MYOF: variants seen among roughly 807,000 people sequenced by gnomAD.
MYOF encodes the protein fer-1-like 3, myoferlin.
Under a neutral mutation model 284.2 loss-of-function variants are expected in MYOF, and 244 were observed. That is an observed-to-expected ratio of 0.86 (90% CI 0.77 to 0.95). MYOF has a LOEUF of 0.95. Ranked by LOEUF, MYOF falls within the 40% of genes least tolerant of loss-of-function variation. The probability of loss-of-function intolerance (pLI) is 0.00; values close to 1 mark genes in which losing one functional copy is unlikely to be tolerated. For synonymous variants in MYOF, 904 were observed against 919.7 expected, an observed-to-expected ratio of 0.98 and a Z score of 0.31; for missense variants, 2,496 against 2,560.6, an observed-to-expected ratio of 0.97 and a Z score of 0.54.
At chr10:93,435,302 G>T (rs1436963717) in intron 3 of MYOF, among the ~76,000 whole-genome samples, 1 of 152,210 alleles carries the variant, frequency 6.6e-6, no homozygotes, top group African/African-American at 2.4e-5. Flanking sequence ...GGGCCAGCCT[G>T]GGGTTGGACC....
intron 40 of MYOF, among the ~76,000 whole-genome samples, chr10:93,337,245 G>A (rs1843658153): frequency 6.8e-6 from 1 of 147,944 alleles, no homozygotes; most frequent in Non-Finnish European, 1.5e-5. Flanking sequence ...CACTGCTTCT[G>A]CTTGAGGACA....
chr10:93,357,568 A>C (rs1304272308), intron 29 of MYOF, among the ~76,000 whole-genome samples: 1 of 152,248 alleles, frequency 6.6e-6, no homozygotes, highest in Non-Finnish European at 1.5e-5. Flanking sequence ...AATCTTAAAA[A>C]TATGACTGGA....
At chr10:93,390,920 C>A (rs1324177072) in intron 17 of MYOF, among the ~76,000 whole-genome samples, 1 of 152,088 alleles carries the variant, frequency 6.6e-6, no homozygotes, top group Non-Finnish European at 1.5e-5. Context: ...CAAGCCAAAG[C>A]CCACAGAAGT....
intron 29 of MYOF, among the ~76,000 whole-genome samples, chr10:93,357,861 G>A (rs766365014): frequency 3.3e-5 from 5 of 152,140 alleles, no homozygotes; most frequent in Admixed American, 6.6e-5. Context: ...TGTTCTTCCC[G>A]CTTCAACTTG....
intron 41 of MYOF, among the ~76,000 whole-genome samples, 188 bp from the exon 42 acceptor site, chr10:93,334,101 T>G (rs74862763): frequency 0.023 from 3,508 of 152,176 alleles, 148 homozygotes; most frequent in African/African-American, 0.08. Context: ...AAGTAATTAT[T>G]TGAGAGCTCA....
chr10:93,379,060 A>G (rs930656919), intron 21 of MYOF, among the ~76,000 whole-genome samples: 1 of 152,022 alleles, frequency 6.6e-6, no homozygotes, highest in African/African-American at 2.4e-5. Flanking sequence ...TCACAGACAT[A>G]TCCCCCTTCT....
chr10:93,417,220 C>T (rs759153638), intron 5 of MYOF, among the ~76,000 whole-genome samples: 5 of 151,760 alleles, frequency 3.3e-5, no homozygotes, highest in Non-Finnish European at 7.4e-5. Flanking sequence ...GCATCCAACA[C>T]TGACCTGTCT....
At chr10:93,363,231 T>A (rs1352845948) in intron 27 of MYOF, among the ~76,000 whole-genome samples, 1 of 152,258 alleles carries the variant, frequency 6.6e-6, no homozygotes, top group Admixed American at 6.5e-5. Flanking sequence ...AAAAGGAAGT[T>A]ATATCCTTGT....
intron 29 of MYOF, among the ~76,000 whole-genome samples, chr10:93,358,516 A>C (rs1310572455): frequency 6.6e-6 from 1 of 152,164 alleles, no homozygotes; most frequent in Admixed American, 6.5e-5. Context: ...TCATTGCAGC[A>C]CTCTTCACAA....
intron 51 of MYOF, among the ~76,000 whole-genome samples, chr10:93,312,501 A>G (rs748994642): frequency 1.6e-4 from 25 of 151,938 alleles, no homozygotes; most frequent in Non-Finnish European, 3.5e-4. Flanking sequence ...GTGCACCACC[A>G]CTACTGGCTA....
intron 37 of MYOF, among the ~76,000 whole-genome samples, chr10:93,344,801 CA>C (rs1254628682): frequency 6.7e-6 from 1 of 148,664 alleles, no homozygotes; most frequent in East Asian, 2.0e-4. Flanking sequence ...TTGTATATTT[CA>C]GGCCTGAGGT....
At chr10:93,317,053 T>C (rs779531704) in intron 49 of MYOF, among the ~76,000 whole-genome samples, 7 of 150,788 alleles carry the variant, frequency 4.6e-5, no homozygotes, top group Non-Finnish European at 7.4e-5. Flanking sequence ...CATGTCCCTA[T>C]CAGTGTGACT....
At chr10:93,465,032 T>C (rs562700203) in intron 1 of MYOF, among the ~76,000 whole-genome samples, 3 of 152,214 alleles carry the variant, frequency 2.0e-5, no homozygotes, top group Non-Finnish European at 4.4e-5. Flanking sequence ...TATTAAGTGC[T>C]CTGAACTGAG....
chr10:93,436,109 A>C (rs1459559069), intron 3 of MYOF, among the ~76,000 whole-genome samples: 1 of 152,082 alleles, frequency 6.6e-6, no homozygotes, highest in Non-Finnish European at 1.5e-5. Context: ...AGAGAAGGTT[A>C]GGCCAATAAC....
chr10:93,377,479 A>T lies in MYOF; in HGVS notation c.2002-50T>A, dbSNP rs746086281. On this transcript the variant is annotated intron_variant, in intron 21 of 53. Coordinates refer to ENST00000359263, the MANE Select transcript of MYOF (RefSeq NM_013451.4). The stretch of plus-strand genomic sequence containing the variant: ...ATAATTGATAATTGTTCATTATGCC[A>T]TTATACCTTTTCATATAGTTTAACC... 3 of 1,297,748 alleles carry T rather than the reference A, an allele frequency of 2.3e-6. No homozygotes were observed. In the South Asian group the frequency reaches 3.6e-5, roughly 16 times the overall value. 80.4% of individuals were successfully genotyped at this position (1,297,748 alleles called of 1,614,324 possible). A position where few individuals can be genotyped will look rare whatever the true frequency, so the allele number is the denominator to read the frequency against.
At chr10:93,407,423 CAAAAAAAAAAA>C (rs144461915) in intron 7 of MYOF, among the ~76,000 whole-genome samples, 1 of 38,088 alleles carries the variant, frequency 2.6e-5, no homozygotes, top group Non-Finnish European at 4.7e-5. Flanking sequence ...GACTCTGTCT[CAAAAAAAAAAA>C]AAAAAAAAAA....
chr10:93,459,861 A>T (rs2056833801), intron 1 of MYOF, among the ~76,000 whole-genome samples: 1 of 152,162 alleles, frequency 6.6e-6, no homozygotes. Context: ...ACAAGCATGA[A>T]ATAGTACCAC....
At chr10:93,369,456 A>C (rs945070101) in intron 25 of MYOF, among the ~76,000 whole-genome samples, 189 bp downstream of exon 25, 3 of 152,194 alleles carry the variant, frequency 2.0e-5, no homozygotes, top group Non-Finnish European at 2.9e-5. Context: ...GTGTGTTCCA[A>C]TGTTGACTAT....
chr10:93,431,019 C>CT (rs1405362981), intron 4 of MYOF, among the ~76,000 whole-genome samples: 97 of 121,936 alleles, frequency 8.0e-4, no homozygotes, highest in African/African-American at 2.4e-3. Context: ...AGACATTTTT[C>CT]TTTTCTTTTT....
Sources: gnomAD v4.1 joint callset for allele counts (sites outside exome capture counted in the v4.1 genomes callset) on GRCh38, gnomAD v4.1.1 for gene constraint, MANE v1.5 for transcripts, NCBI Gene and HGNC (gene_info 2026-07-23, HGNC 2026-07-21) for gene names.